ECM2: variants seen among roughly 807,000 people sequenced by gnomAD.
ECM2 encodes the protein extracellular matrix protein 2.
In ECM2, 57 loss-of-function variants were observed where a neutral mutation model predicts 67.5. The observed-to-expected ratio is 0.84, with a 90% CI of 0.68 to 1.05. ECM2 has a LOEUF of 1.05. ECM2 is among the 50% of genes least tolerant of loss of function. ECM2 has a pLI of 0.00. For synonymous variants in ECM2, 258 were observed against 294.5 expected (o/e 0.88, Z 1.27); for missense variants, 741 against 822.8 (o/e 0.90, Z 1.22).
chr9:92,543,800 C>T, the ECM2 span, among the ~76,000 whole-genome samples: 63,513 of 151,904 alleles, frequency 0.42, 15,454 homozygotes, highest in African/African-American at 0.67. Context: ...TTTGTTATTA[C>T]GTATCTATTG....
chr9:92,557,932 C>T, the ECM2 span, among the ~76,000 whole-genome samples: 2 of 152,142 alleles, frequency 1.3e-5, no homozygotes, highest in African/African-American at 4.8e-5. Context: ...CGTGAGCCAC[C>T]GCGCCTGGCC....
chr9:92,514,719 CAG>C lies in ECM2; in HGVS notation c.964_965del (p.Leu322ValfsTer39). ...GTLRLPSGCS[L>X]SYRTISCINA... The stretch of plus-strand genomic sequence containing the variant: ...TGATGCAGCTGATGGTCCTGTAGGA[CAG>C]AGAGCACCCGCTTGGCAGGCGCAGT... On this transcript the variant is annotated frameshift_variant, in exon 4 of 10. Coordinates refer to ENST00000344604, the MANE Select transcript of ECM2 (RefSeq NM_001393.4). LOFTEE classifies it high-confidence loss of function. 6.2e-7 allele frequency: 1 copy of C among 1,607,802 alleles called. No homozygotes were observed. Among genetic ancestry groups the C allele is most frequent in the Non-Finnish European group, 8.5e-7 (1 of 1,174,410 alleles).
intron 4 of ECM2, among the ~76,000 whole-genome samples, chr9:92,513,999 C>T (rs375110951): frequency 1.1e-4 from 17 of 152,256 alleles, no homozygotes; most frequent in African/African-American, 4.1e-4. Context: ...AACTGCTATT[C>T]TGCAGTAAAC....
At chr9:92,557,817 A>AT in the ECM2 span, among the ~76,000 whole-genome samples, 2 of 151,770 alleles carry the variant, frequency 1.3e-5, no homozygotes, top group African/African-American at 2.4e-5. Flanking sequence ...TAATTTTTGT[A>AT]TTTTTTTAGT....
At chr9:92,496,507 T>C in intron 9 of ECM2, 24 bp from the exon 10 acceptor site, 1 of 1,596,902 alleles carries the variant, frequency 6.3e-7, no homozygotes, top group Non-Finnish European at 8.5e-7. Flanking sequence ...GACATGCAAG[T>C]CACACATGGT....
At chr9:92,542,641 C>G in the ECM2 span, among the ~76,000 whole-genome samples, 31 of 152,078 alleles carry the variant, frequency 2.0e-4, no homozygotes, top group Non-Finnish European at 2.2e-4. Flanking sequence ...CTCAGCCTCC[C>G]CAGTAGCTGG....
chr9:92,530,893 G>T (rs182754203), intron 1 of ECM2, among the ~76,000 whole-genome samples: 2 of 152,180 alleles, frequency 1.3e-5, no homozygotes, highest in Admixed American at 6.5e-5. Flanking sequence ...TTATGCCCAT[G>T]AGTACCCAAT....
upstream of ECM2, among the ~76,000 whole-genome samples, chr9:92,539,729 G>T (rs1849273534): frequency 6.6e-6 from 1 of 152,258 alleles, no homozygotes; most frequent in East Asian, 1.9e-4. Flanking sequence ...TGCCTTTTAA[G>T]CTATACTAAA....
intron 6 of ECM2, among the ~76,000 whole-genome samples, chr9:92,506,057 TA>T (rs1846988570): frequency 6.6e-6 from 1 of 151,970 alleles, no homozygotes; most frequent in African/African-American, 2.4e-5. Flanking sequence ...GGAATTCAGG[TA>T]GGAAAGGAAT....
rs772134102 is a variant in ECM2 at position 92,511,962 on chromosome 9, T to C, written c.1170+49A>G. 22 of 1,402,278 alleles carry C rather than the reference T, an allele frequency of 1.6e-5. No individual in the cohort carries two copies. The East Asian group carries it at 4.9e-4, about 31-fold the overall frequency. 86.9% of individuals were successfully genotyped at this position (1,402,278 alleles called of 1,614,324 possible). A position where few individuals can be genotyped will look rare whatever the true frequency, so the allele number is the denominator to read the frequency against. On this transcript the variant is annotated intron_variant, in intron 5 of 9. Coordinates refer to ENST00000344604, the MANE Select transcript of ECM2 (RefSeq NM_001393.4). ...CTTCCCCATCTCCAACCAATGCAAG[T>C]CATAGTGAAGCCATTCATCCAAATA...
At position 92,504,485 on chromosome 9, in the gene ECM2, C is replaced by T. The variant is rs7048128; in HGVS notation, c.1464+1048G>A. On this transcript the variant is annotated intron_variant, in intron 7 of 9. Transcript: ENST00000344604. ...AAGGAAACCTGGGTTCCCACGGGGT[C>T]TGCCAGTATGTATAGACTCTCTGGA... Among the ~76,000 whole-genome samples, 1,077 of 152,266 alleles carry T rather than the reference C, an allele frequency of 7.1e-3. 11 individuals carry two copies. Among genetic ancestry groups the T allele is most frequent in the African/African-American group, 0.022 (905 of 41,544 alleles).
chr9:92,522,668 G>C lies in ECM2; in HGVS notation c.199C>G (p.Leu67Val). 1 of 1,614,116 alleles carries C rather than the reference G, an allele frequency of 6.2e-7. No homozygotes were observed. The change falls in exon 2 of 10, where the codon CTT becomes GTT. Residue 67 changes from leucine (L) to valine (V), a missense_variant. Leu to Val is a conservative substitution (Grantham distance 32, BLOSUM62 1). Transcript: ENST00000344604. ...QTTVFTPVAR[L>V]PIVNFDYSME... ...CTATAATCAAAGTTAACAATAGGAA[G>C]TCTTGCTACTGGTGTAAAAACTGTT...
At chr9:92,517,606 TA>T in intron 3 of ECM2, 80 bp downstream of exon 3, 1 of 1,578,898 alleles carries the variant, frequency 6.3e-7, no homozygotes, top group South Asian at 1.1e-5. Flanking sequence ...ATCATAATTT[TA>T]ATCTAAAATT....
At chr9:92,500,471 C>T (rs888095243) in intron 9 of ECM2, among the ~76,000 whole-genome samples, 1 of 152,254 alleles carries the variant, frequency 6.6e-6, no homozygotes, top group Non-Finnish European at 1.5e-5. Context: ...GCGTGAGCCA[C>T]TGCACCTGAC....
the ECM2 span, among the ~76,000 whole-genome samples, chr9:92,547,262 G>T: frequency 1.3e-5 from 2 of 152,186 alleles, no homozygotes; most frequent in African/African-American, 4.8e-5. Context: ...TAGTCTGACA[G>T]ATTATCTACA....
In ECM2 at chr9:92,522,909, A is replaced by G. The variant is rs747690252; in HGVS notation, c.-27-16T>C. On this transcript the variant is annotated splice_polypyrimidine_tract_variant and intron_variant, in intron 1 of 9. Transcript: ENST00000344604. The stretch of plus-strand genomic sequence containing the variant: ...CAGCCAATTTCTAGAATGAAACAAT[A>G]TTTCAAAGTTAGTGGTGACTAAATT... The G allele has an allele frequency of 9.0e-6, 14 of 1,549,874 alleles. No homozygotes were observed. The highest frequency in any genetic ancestry group is 1.1e-5 in the Non-Finnish European group (13 of 1,156,798).
chr9:92,521,122 A>G (rs1848041798), intron 2 of ECM2, among the ~76,000 whole-genome samples: 1 of 152,254 alleles, frequency 6.6e-6, no homozygotes, highest in Non-Finnish European at 1.5e-5. Flanking sequence ...GTGTGGTGAT[A>G]CAATCAAAAA....
At chr9:92,558,270 T>A in the ECM2 span, among the ~76,000 whole-genome samples, 1 of 152,214 alleles carries the variant, frequency 6.6e-6, no homozygotes, top group Non-Finnish European at 1.5e-5. Context: ...TTAGGTAGGT[T>A]CTATCAGAGG....
chr9:92,551,357 AG>A, the ECM2 span, among the ~76,000 whole-genome samples: 1 of 151,910 alleles, frequency 6.6e-6, no homozygotes, highest in African/African-American at 2.4e-5. Context: ...TTGTTTTTTG[AG>A]ATAGGGTCTT....
Sources: allele counts gnomAD v4.1 joint callset (sites outside exome capture counted in the v4.1 genomes callset), GRCh38; gene constraint gnomAD v4.1.1; transcripts MANE v1.5; gene names NCBI Gene and HGNC (gene_info 2026-07-23, HGNC 2026-07-21).